AFF3: variants seen among roughly 807,000 people sequenced by gnomAD.
The protein encoded by AFF3 is AF4/FMR2 family member 3.
A neutral mutation model predicts 129.7 loss-of-function variants in AFF3; 32 were observed. The observed-to-expected ratio is 0.25, with a 90% confidence interval of 0.19 to 0.33. The LOEUF is 0.33. Ranked by LOEUF, AFF3 falls within the 10% of genes least tolerant of loss-of-function variation. AFF3 has a pLI of 1.00. For synonymous variants in AFF3, 644 were observed against 635.4 expected, an observed-to-expected ratio of 1.01 and a Z score of -0.20; for missense variants, 1,373 against 1,592.0, an observed-to-expected ratio of 0.86 and a Z score of 2.34.
intron 4 of AFF3, among the ~76,000 whole-genome samples, chr2:100,026,174 A>C (rs1684023923): frequency 6.6e-6 from 1 of 152,222 alleles, no homozygotes; most frequent in South Asian, 2.1e-4. Flanking sequence ...AATATCTAGA[A>C]TCTACAACAA....
rs375044436 is a variant in AFF3 at position 99,997,481 on chromosome 2, C to A, written c.873+9151G>T. ...CATGGTCCCAGCAACTATCACCCCC[C>A]CCCCAGATTAGCACAATAACCTGCC... On this transcript the variant is annotated intron_variant, in intron 7 of 24. Transcript: ENST00000672756. 6.6e-5 allele frequency among the ~76,000 whole-genome samples: 10 copies of A among 151,950 alleles called. No homozygotes were observed. The South Asian group carries it at 1.0e-3, about 16-fold the overall frequency.
intron 13 of AFF3, among the ~76,000 whole-genome samples, chr2:99,628,785 A>C (rs1682850184): frequency 6.9e-6 from 1 of 143,940 alleles, no homozygotes; most frequent in Non-Finnish European, 1.5e-5. Context: ...CAATGGCACA[A>C]TCTTGGCTCG....
rs149366006 is a variant in AFF3, at chr2:99,855,159, C to T, written c.874-17635G>A. On this transcript the variant is annotated intron_variant, in intron 7 of 24. Coordinates refer to ENST00000672756, the MANE Select transcript of AFF3 (RefSeq NM_001386135.1). Reference sequence around the variant, plus strand: ...ATCGTTAAAATTAAATACTTTTCTTCTTCAAAAAACTGTGAAAAAATGAAG... The same window carrying T: ...ATCGTTAAAATTAAATACTTTTCTTTTTCAAAAAACTGTGAAAAAATGAAG... 2.1e-3 allele frequency among the ~76,000 whole-genome samples: 323 copies of T among 152,170 alleles called. 2 individuals carry two copies. Among genetic ancestry groups the T allele is most frequent in the African/African-American group, 7.4e-3 (306 of 41,542 alleles).
intron 8 of AFF3, among the ~76,000 whole-genome samples, chr2:99,769,565 G>A (rs1018469616): frequency 1.3e-5 from 2 of 152,096 alleles, no homozygotes; most frequent in African/African-American, 4.8e-5. Flanking sequence ...AGATGTCACC[G>A]GTGTTTGGGC....
Position 99,891,567 on chromosome 2 carries a change from G to A in AFF3, c.874-54043C>T, listed in dbSNP as rs144285602. Among the ~76,000 whole-genome samples the A allele has an allele frequency of 2.7e-3, 408 of 152,312 alleles. 5 individuals are homozygous for A. The highest frequency in any genetic ancestry group is 9.4e-3 in the African/African-American group (391 of 41,566). ...CAGACTTCTCTTACCCCTGCTGCAG[G>A]TGCGGGCAGGCGGGCGACTGAGCTT... On this transcript the variant is annotated intron_variant, in intron 7 of 24. Coordinates refer to ENST00000672756, the MANE Select transcript of AFF3 (RefSeq NM_001386135.1).
intron 7 of AFF3, among the ~76,000 whole-genome samples, chr2:99,964,512 G>A (rs1209328532): frequency 2.0e-5 from 3 of 152,150 alleles, no homozygotes; most frequent in Non-Finnish European, 4.4e-5. Context: ...ATACTGAATG[G>A]TTCAAAGATG....
rs373628771 is a variant in AFF3 at position 99,927,286 on chromosome 2, A to G, written c.873+79346T>C. 3.9e-5 allele frequency among the ~76,000 whole-genome samples: 6 copies of G among 152,346 alleles called. No homozygotes were observed. In the East Asian group the frequency reaches 7.7e-4, roughly 20 times the overall value. ...CTAAGTGTCATGCACACATGTGTCC[A>G]TTGCAGCACTATTCATAATAGCAAA... On this transcript the variant is annotated intron_variant, in intron 7 of 24. Transcript: ENST00000672756.
At chr2:99,568,200 A>G (rs1676154936) in intron 19 of AFF3, among the ~76,000 whole-genome samples, 2 of 152,198 alleles carry the variant, frequency 1.3e-5, no homozygotes, top group Non-Finnish European at 2.9e-5. Context: ...CTAAAACTGG[A>G]ATTACTAGGT....
At position 99,549,340 on chromosome 2, in the gene AFF3, T is replaced by C. The variant is rs887450276; in HGVS notation, c.*2134A>G. ...TGGCTCACGCCTGTAATCACAACAC[T>C]TTGGGAGGTGGAGGCGGGTAGATCA... On this transcript the variant is annotated 3_prime_UTR_variant, in exon 25 of 25. Coordinates refer to ENST00000672756, the MANE Select transcript of AFF3 (RefSeq NM_001386135.1). 5.3e-6 allele frequency: 1 copy of C among 188,736 alleles called. No homozygotes were observed. The highest frequency in any genetic ancestry group is 1.1e-5 in the Non-Finnish European group (1 of 89,936). 11.7% of individuals were successfully genotyped at this position (188,736 alleles called of 1,614,324 possible).
chr2:99,840,311 C>A (rs13394145), intron 7 of AFF3, among the ~76,000 whole-genome samples: 236 of 152,198 alleles, frequency 1.6e-3, no homozygotes, highest in African/African-American at 5.4e-3. Flanking sequence ...AGTTTTAGCT[C>A]TTTTGTATAG....
intron 7 of AFF3, among the ~76,000 whole-genome samples, chr2:99,861,220 C>A (rs1418297016): frequency 6.6e-6 from 1 of 152,192 alleles, no homozygotes; most frequent in Non-Finnish European, 1.5e-5. Flanking sequence ...TTGATGTTGC[C>A]ACTGACTCTG....
chr2:99,846,726 C>T (rs1689752920), intron 7 of AFF3, among the ~76,000 whole-genome samples: 2 of 152,232 alleles, frequency 1.3e-5, no homozygotes, highest in Non-Finnish European at 2.9e-5. Flanking sequence ...GGCAAAAGTG[C>T]TGCTGCGTAT....
intron 8 of AFF3, among the ~76,000 whole-genome samples, chr2:99,819,095 CA>C (rs1400382086): frequency 1.3e-5 from 2 of 152,176 alleles, no homozygotes; most frequent in African/African-American, 4.8e-5. Context: ...AACAGTTGAA[CA>C]AAAAGTATAT....
intron 13 of AFF3, among the ~76,000 whole-genome samples, chr2:99,625,051 C>T (rs564955722): frequency 6.6e-6 from 1 of 152,286 alleles, no homozygotes; most frequent in Non-Finnish European, 1.5e-5. Context: ...GATGCTTATT[C>T]TACTGCTTGG....
intron 7 of AFF3, among the ~76,000 whole-genome samples, chr2:99,904,992 C>A (rs1344818599): frequency 6.6e-6 from 1 of 152,178 alleles, no homozygotes; most frequent in Non-Finnish European, 1.5e-5. Context: ...CTCCCCACTG[C>A]TGCTCCCACC....
At chr2:99,922,012 C>T (rs1695888283) in intron 7 of AFF3, among the ~76,000 whole-genome samples, 1 of 152,100 alleles carries the variant, frequency 6.6e-6, no homozygotes, top group African/African-American at 2.4e-5. Context: ...CAATGAGATA[C>T]CAACACTCGC....
chr2:99,801,678 T>C (rs1354133075), intron 8 of AFF3, among the ~76,000 whole-genome samples: 1 of 152,330 alleles, frequency 6.6e-6, no homozygotes, highest in East Asian at 1.9e-4. Flanking sequence ...TGTCACTAGC[T>C]TGACATCTAC....
intron 11 of AFF3, among the ~76,000 whole-genome samples, chr2:99,700,162 C>T (rs1294889350): frequency 6.6e-6 from 1 of 152,074 alleles, no homozygotes; most frequent in African/African-American, 2.4e-5. Flanking sequence ...GCTCTGTCGC[C>T]CAGGCTGGAG....
At chr2:99,729,272 T>C (rs1178868452) in intron 10 of AFF3, among the ~76,000 whole-genome samples, 2 of 152,218 alleles carry the variant, frequency 1.3e-5, no homozygotes, top group Non-Finnish European at 2.9e-5. Flanking sequence ...TGAAGAAATA[T>C]GTTTTGCCTT....
Sources: allele counts gnomAD v4.1 joint callset (sites outside exome capture counted in the v4.1 genomes callset), GRCh38; gene constraint gnomAD v4.1.1; transcripts MANE v1.5; gene names NCBI Gene and HGNC (gene_info 2026-07-23, HGNC 2026-07-21).